EEA1: variants seen among roughly 807,000 people sequenced by gnomAD.
The protein encoded by EEA1 is early endosome antigen 1, also known as early endosome antigen 1, 162kD.
In EEA1, 111 loss-of-function variants were observed where a neutral mutation model predicts 209.2. The observed-to-expected ratio is 0.53, with a 90% CI of 0.45 to 0.62. EEA1 has a LOEUF of 0.62. EEA1 is among the 20% of genes least tolerant of loss of function. The pLI, the probability that EEA1 is intolerant of heterozygous loss-of-function variation, is 0.00. For missense variants in EEA1, 1,343 were observed against 1,530.8 expected (o/e 0.88, Z 2.05); for synonymous variants, 536 against 540.6 (o/e 0.99, Z 0.12).
At chr12:92,883,543 G>T (rs1166946052) in intron 2 of EEA1, among the ~76,000 whole-genome samples, 2 of 152,046 alleles carry the variant, frequency 1.3e-5, no homozygotes, top group Non-Finnish European at 2.9e-5. Context: ...ATAGTTTAAG[G>T]TCTTACATTT....
intron 13 of EEA1, 145 bp downstream of exon 13, chr12:92,826,021 C>A: frequency 1.2e-6 from 1 of 808,754 alleles, no homozygotes; most frequent in Non-Finnish European, 1.7e-6. Flanking sequence ...ATCAAAATCC[C>A]TCACAATCAA....
At chr12:92,793,635 CACAA>C (rs1592705239) in intron 21 of EEA1, among the ~76,000 whole-genome samples, 2 of 152,064 alleles carry the variant, frequency 1.3e-5, no homozygotes, top group African/African-American at 2.4e-5. Context: ...TAGAAGAGGA[CACAA>C]ACAAATGGAA....
At chr12:92,777,041 T>C in intron 27 of EEA1, 99 bp from the exon 28 acceptor site, 1 of 1,208,486 alleles carries the variant, frequency 8.3e-7, no homozygotes, top group Non-Finnish European at 1.2e-6. Context: ...AAATTTTGAC[T>C]ATATGACCCA....
intron 3 of EEA1, chr12:92,858,962 G>A (rs1406308540): frequency 2.3e-5 from 16 of 696,776 alleles, no homozygotes; most frequent in Non-Finnish European, 3.2e-5. Flanking sequence ...AAGATCAACC[G>A]TTCAGCTGCC....
chr12:92,817,514 T>G (rs1003714200), intron 14 of EEA1, among the ~76,000 whole-genome samples: 5 of 152,086 alleles, frequency 3.3e-5, no homozygotes, highest in African/African-American at 1.2e-4. Context: ...CACAAGTTAC[T>G]GCACCCAGCC....
intron 2 of EEA1, among the ~76,000 whole-genome samples, chr12:92,878,276 G>GA (rs1878998116): frequency 6.6e-6 from 1 of 151,598 alleles, no homozygotes; most frequent in Non-Finnish European, 1.5e-5. Flanking sequence ...GCTACCTTTG[G>GA]AAAAAACAAA....
At chr12:92,858,470 T>C in intron 3 of EEA1, 1 of 1,136,390 alleles carries the variant, frequency 8.8e-7, no homozygotes, top group Non-Finnish European at 1.3e-6. Flanking sequence ...AAGAAGACAT[T>C]GGTGTTGGAG....
intron 2 of EEA1, among the ~76,000 whole-genome samples, chr12:92,888,008 GATTA>G (rs1879485092): frequency 6.6e-6 from 1 of 151,992 alleles, no homozygotes; most frequent in Non-Finnish European, 1.5e-5. Context: ...TTTATTGGCT[GATTA>G]ATTATAAAAA....
At chr12:92,776,235 C>T in intron 28 of EEA1, 102 bp from the exon 29 acceptor site, 1 of 1,113,010 alleles carries the variant, frequency 9.0e-7, no homozygotes, top group Non-Finnish European at 1.2e-6. Flanking sequence ...GGTACATTAG[C>T]TTTCAAGTCA....
At chr12:92,800,222 A>AAAT (rs1208130720) in intron 20 of EEA1, among the ~76,000 whole-genome samples, 3 of 152,252 alleles carry the variant, frequency 2.0e-5, no homozygotes, top group East Asian at 1.9e-4. Context: ...ACTCTGTTTA[A>AAAT]AATAATAATA....
chr12:92,890,035 GA>G (rs1879597810), intron 2 of EEA1, among the ~76,000 whole-genome samples: 1 of 152,196 alleles, frequency 6.6e-6, no homozygotes, highest in African/African-American at 2.4e-5. Flanking sequence ...GATAAAATAT[GA>G]AGCCAGTGAC....
At chr12:92,926,016 G>A (rs1050930945) in intron 1 of EEA1, among the ~76,000 whole-genome samples, 13 of 147,172 alleles carry the variant, frequency 8.8e-5, no homozygotes, top group African/African-American at 2.5e-4. Flanking sequence ...TTTTTTAGAC[G>A]GAGTTCCGGT....
At chr12:92,903,140 T>C (rs1374681507) in intron 1 of EEA1, among the ~76,000 whole-genome samples, 3 of 151,710 alleles carry the variant, frequency 2.0e-5, no homozygotes, top group Non-Finnish European at 4.4e-5. Context: ...GGTTTCACCG[T>C]GTTAGCCAGG....
At chr12:92,781,902 A>G (rs1456759189) in intron 23 of EEA1, 48 bp downstream of exon 23, 8 of 1,533,542 alleles carry the variant, frequency 5.2e-6, no homozygotes, top group Non-Finnish European at 7.1e-6. Context: ...GATCTCTAAG[A>G]CAACTGTAAC....
At chr12:92,857,588 T>C in intron 3 of EEA1, 103 bp from the exon 4 acceptor site, 1 of 685,286 alleles carries the variant, frequency 1.5e-6, no homozygotes, top group Non-Finnish European at 2.3e-6. Context: ...ATTATAGTTT[T>C]TTCAATTCAA....
intron 21 of EEA1, among the ~76,000 whole-genome samples, chr12:92,795,700 G>T (rs1163213045): frequency 6.6e-6 from 1 of 152,158 alleles, no homozygotes; most frequent in African/African-American, 2.4e-5. Flanking sequence ...TCCCTATACA[G>T]TATCTGATAA....
intron 11 of EEA1, among the ~76,000 whole-genome samples, chr12:92,829,856 C>T (rs1876536817): frequency 6.7e-6 from 1 of 149,826 alleles, no homozygotes; most frequent in Non-Finnish European, 1.5e-5. Context: ...ATGGTCTTTG[C>T]ACCCGAAGAG....
intron 2 of EEA1, among the ~76,000 whole-genome samples, chr12:92,867,182 A>G (rs949452900): frequency 6.6e-6 from 1 of 152,008 alleles, no homozygotes; most frequent in African/African-American, 2.4e-5. Context: ...ATCTCCAGAC[A>G]CTCCCTCACC....
intron 1 of EEA1, among the ~76,000 whole-genome samples, chr12:92,909,482 A>G (rs1343171046): frequency 1.3e-5 from 2 of 152,236 alleles, no homozygotes; most frequent in African/African-American, 4.8e-5. Flanking sequence ...TCATAATATA[A>G]AAATCCATGA....
Sources: gnomAD v4.1 joint callset for allele counts (sites outside exome capture counted in the v4.1 genomes callset) on GRCh38, gnomAD v4.1.1 for gene constraint, MANE v1.5 for transcripts, NCBI Gene and HGNC (gene_info 2026-07-23, HGNC 2026-07-21) for gene names.